MEOX2: variants seen among roughly 807,000 people sequenced by gnomAD.
The protein encoded by MEOX2 is homeobox protein MOX-2.
Under a neutral mutation model 27.0 loss-of-function variants are expected in MEOX2, and 11 were observed. That is an observed-to-expected ratio of 0.41 (90% confidence interval 0.26 to 0.68). The LOEUF (loss-of-function observed/expected upper bound fraction) is 0.68. Ranked by LOEUF, MEOX2 falls within the 30% of genes least tolerant of loss-of-function variation. The pLI, the probability that MEOX2 is intolerant of heterozygous loss-of-function variation, is 0.33. For missense variants in MEOX2, 436 were observed against 385.4 expected, an observed-to-expected ratio of 1.13 and a Z score of -1.10; for synonymous variants, 189 against 155.4, an observed-to-expected ratio of 1.22 and a Z score of -1.61.
chr7:15,665,520 T>C (rs1781988705), intron 1 of MEOX2, among the ~76,000 whole-genome samples: 1 of 152,196 alleles, frequency 6.6e-6, no homozygotes, highest in African/African-American at 2.4e-5. Context: ...TAATGTTAAG[T>C]TGAATTTTCA....
At chr7:15,619,936 C>A (rs1322816536) in intron 2 of MEOX2, among the ~76,000 whole-genome samples, 2 of 151,978 alleles carry the variant, frequency 1.3e-5, no homozygotes, top group Non-Finnish European at 2.9e-5. Context: ...CCGAATAGAT[C>A]TTGCTTTATT....
chr7:15,627,827 GTC>G (rs1781340224), intron 1 of MEOX2, among the ~76,000 whole-genome samples: 1 of 144,054 alleles, frequency 6.9e-6, no homozygotes, highest in African/African-American at 2.6e-5. Context: ...ACACACACAC[GTC>G]AAGTAAAAAG....
intron 1 of MEOX2, among the ~76,000 whole-genome samples, chr7:15,654,421 T>C (rs1393378845): frequency 6.6e-6 from 1 of 151,798 alleles, no homozygotes; most frequent in Non-Finnish European, 1.5e-5. Flanking sequence ...TCTGGCCTTA[T>C]TGAATTGGCT....
chr7:15,669,525 A>C (rs1782063733), intron 1 of MEOX2, among the ~76,000 whole-genome samples: 1 of 152,220 alleles, frequency 6.6e-6, no homozygotes, highest in African/African-American at 2.4e-5. Flanking sequence ...ATCCTCAATT[A>C]ATTCCCAATT....
intron 1 of MEOX2, among the ~76,000 whole-genome samples, chr7:15,650,366 C>T (rs1199319602): frequency 7.2e-5 from 11 of 152,088 alleles, no homozygotes; most frequent in Admixed American, 7.2e-4. Context: ...GATTCAGCAT[C>T]TTGTGCTAAG....
Position 15,639,289 on chromosome 7 carries a change from T to C in MEOX2, c.518-12371A>G, listed in dbSNP as rs183754914. ...CTTGTATGTCTTCTTTTGAGAAGTA[T>C]GTGTTCATGTCCTTTTTCTACTTTA... is the stretch of plus-strand genomic sequence containing the variant. On this transcript the variant is annotated intron_variant, in intron 1 of 2. Coordinates refer to ENST00000262041, the MANE Select transcript of MEOX2 (RefSeq NM_005924.5). Among the ~76,000 whole-genome samples, 731 of 152,296 alleles carry C rather than the reference T, an allele frequency of 4.8e-3. 5 individuals carry two copies. Among genetic ancestry groups the C allele is most frequent in the African/African-American group, 0.016 (678 of 41,566 alleles).
chr7:15,631,715 CTT>C (rs1278831651), intron 1 of MEOX2, among the ~76,000 whole-genome samples: 7 of 151,690 alleles, frequency 4.6e-5, no homozygotes, highest in South Asian at 2.1e-4. Flanking sequence ...CAATTGCTAA[CTT>C]ATAATTTATG....
At chr7:15,651,674 A>G (rs1262285006) in intron 1 of MEOX2, among the ~76,000 whole-genome samples, 4 of 151,978 alleles carry the variant, frequency 2.6e-5, no homozygotes, top group Non-Finnish European at 4.4e-5. Context: ...ATCTTGCACT[A>G]GACTCTGTAC....
chr7:15,672,127 C>G (rs773583007), intron 1 of MEOX2, among the ~76,000 whole-genome samples: 1 of 152,048 alleles, frequency 6.6e-6, no homozygotes, highest in East Asian at 1.9e-4. Context: ...ACAAAGTGAT[C>G]AATTGAAAAA....
At chr7:15,641,836 T>C (rs966986425) in intron 1 of MEOX2, among the ~76,000 whole-genome samples, 1 of 152,082 alleles carries the variant, frequency 6.6e-6, no homozygotes, top group Non-Finnish European at 1.5e-5. Flanking sequence ...AGTGTTTGCT[T>C]GTTTGAAAAA....
chr7:15,618,133 T>C (rs966103778), intron 2 of MEOX2, among the ~76,000 whole-genome samples: 1 of 152,040 alleles, frequency 6.6e-6, no homozygotes, highest in African/African-American at 2.4e-5. Context: ...TGGCCTTTAG[T>C]AAACCATTGT....
At chr7:15,620,550 G>A (rs1224951806) in intron 2 of MEOX2, among the ~76,000 whole-genome samples, 1 of 151,236 alleles carries the variant, frequency 6.6e-6, no homozygotes, top group East Asian at 1.9e-4. Flanking sequence ...TCCAGCCTGG[G>A]TGACAAACAA....
chr7:15,680,630 G>T (rs529229989), intron 1 of MEOX2: 2 of 151,938 alleles, frequency 1.3e-5, no homozygotes, highest in South Asian at 4.1e-4. Flanking sequence ...AAATAGTCAT[G>T]AGAGCATCCT....
intron 2 of MEOX2, among the ~76,000 whole-genome samples, chr7:15,623,063 C>T (rs533634525): frequency 2.6e-5 from 4 of 152,224 alleles, no homozygotes; most frequent in Admixed American, 2.6e-4. Flanking sequence ...TATAAGCCAC[C>T]CAGTCTATGG....
chr7:15,653,205 G>A (rs998476688), intron 1 of MEOX2, among the ~76,000 whole-genome samples: 20 of 149,868 alleles, frequency 1.3e-4, no homozygotes, highest in African/African-American at 3.9e-4. Flanking sequence ...TAACAGTGTG[G>A]TTTTAATTTG....
chr7:15,618,124 G>C lies in MEOX2; in HGVS notation c.691-5513C>G, dbSNP rs10215654. ...TTCTATGATTGATTCCTTTTAACTTGGCCTTTAGTAAACCATTGTTTTCCT... is the reference window on the plus strand; with the variant it reads ...TTCTATGATTGATTCCTTTTAACTTCGCCTTTAGTAAACCATTGTTTTCCT... On this transcript the variant is annotated intron_variant, in intron 2 of 2. Coordinates refer to ENST00000262041, the MANE Select transcript of MEOX2 (RefSeq NM_005924.5). 1.6e-3 allele frequency among the ~76,000 whole-genome samples: 248 copies of C among 151,924 alleles called. 1 individual carries two copies. The highest frequency in any genetic ancestry group is 5.6e-3 in the African/African-American group (233 of 41,502).
At chr7:15,666,787 T>A (rs1269606595) in intron 1 of MEOX2, among the ~76,000 whole-genome samples, 121 of 78,260 alleles carry the variant, frequency 1.5e-3, no homozygotes, top group Middle Eastern at 6.3e-3. Context: ...AAAATATATA[T>A]ATATATATAT....
intron 2 of MEOX2, among the ~76,000 whole-genome samples, chr7:15,616,280 G>A (rs1781122599): frequency 6.6e-6 from 1 of 151,562 alleles, no homozygotes. Flanking sequence ...AATACATAAT[G>A]GGCATATCTT....
chr7:15,643,635 C>T (rs1303052650), intron 1 of MEOX2, among the ~76,000 whole-genome samples: 1 of 152,196 alleles, frequency 6.6e-6, no homozygotes, highest in Admixed American at 6.5e-5. Context: ...TTAGGCTTTC[C>T]AGACTGTGGG....
Sources: allele counts gnomAD v4.1 joint callset (sites outside exome capture counted in the v4.1 genomes callset), GRCh38; gene constraint gnomAD v4.1.1; transcripts MANE v1.5; gene names NCBI Gene and HGNC (gene_info 2026-07-23, HGNC 2026-07-21).